The following ANO3 variants were observed in gnomAD, a reference collection of about 807,000 sequenced individuals.
ANO3 encodes the protein anoctamin-3.
In ANO3, 99 loss-of-function variants were observed where a neutral mutation model predicts 144.8. That is an observed-to-expected ratio of 0.68 (90% CI 0.58 to 0.81). The LOEUF (loss-of-function observed/expected upper bound fraction) is 0.81, where lower values mean the gene tolerates loss of function less well. Among genes scored for constraint, ANO3 ranks in the 30% least tolerant of loss-of-function variants. ANO3 has a pLI of 0.00. For missense variants in ANO3, 905 were observed against 1,202.2 expected, an observed-to-expected ratio of 0.75 and a Z score of 3.66; for synonymous variants, 414 against 392.6, an observed-to-expected ratio of 1.05 and a Z score of -0.64.
chr11:26,492,458 C>T (rs1295911302), intron 4 of ANO3, among the ~76,000 whole-genome samples: 1 of 152,162 alleles, frequency 6.6e-6, no homozygotes, highest in African/African-American at 2.4e-5. Context: ...TCTGGGGCAG[C>T]AGTTGTTTCT....
intron 3 of ANO3, among the ~76,000 whole-genome samples, chr11:26,459,234 T>G (rs1859279232): frequency 6.6e-6 from 1 of 152,100 alleles, no homozygotes; most frequent in Admixed American, 6.6e-5. Context: ...TTGTATGGAC[T>G]ATGGCTTTAC....
chr11:26,270,353 A>G lies in ANO3; in HGVS notation c.155-39292A>G, dbSNP rs111756090. On this transcript the variant is annotated intron_variant, in intron 1 of 27. Coordinates refer to the ANO3 transcript ENST00000672621. ...AGAAACAATCTACTAAAATTACTCTATTGAAAAAATCTAACTGAATCACCT... is the reference window on the plus strand; with the variant it reads ...AGAAACAATCTACTAAAATTACTCTGTTGAAAAAATCTAACTGAATCACCT... Among the ~76,000 whole-genome samples the G allele has an allele frequency of 3.9e-3, 595 of 152,244 alleles. 4 individuals carry two copies. Among genetic ancestry groups the G allele is most frequent in the African/African-American group, 0.013 (540 of 41,546 alleles).
chr11:26,639,298 G>A (rs1853068002), intron 21 of ANO3, 57 bp downstream of exon 21: 1 of 1,316,204 alleles, frequency 7.6e-7, no homozygotes, highest in Non-Finnish European at 1.1e-6. Context: ...GAAAGCTAGA[G>A]GTGGCGTGAG....
intron 14 of ANO3, chr11:26,565,612 C>G (rs761629689): frequency 6.2e-7 from 1 of 1,613,112 alleles, no homozygotes; most frequent in Non-Finnish European, 8.5e-7. Context: ...TCTGTTATTC[C>G]GTGGCTGTTG....
At chr11:26,244,104 A>G (rs1852726433) in intron 1 of ANO3, among the ~76,000 whole-genome samples, 1 of 149,302 alleles carries the variant, frequency 6.7e-6, no homozygotes, top group Non-Finnish European at 1.5e-5. Flanking sequence ...GCAACATAGC[A>G]AGACTCTGTC....
intron 14 of ANO3, among the ~76,000 whole-genome samples, chr11:26,571,073 G>T (rs1850805704): frequency 6.6e-6 from 1 of 152,120 alleles, no homozygotes; most frequent in Admixed American, 6.6e-5. Flanking sequence ...CTTAGGCTAT[G>T]TAACTACAGG....
At position 26,647,693 on chromosome 11, in the gene ANO3, A is replaced by C. The variant is rs1446605449; in HGVS notation, c.2429-16A>C. 1.3e-6 allele frequency: 2 copies of C among 1,589,798 alleles called. No homozygotes were observed. The highest frequency in any genetic ancestry group is 1.7e-6 in the Non-Finnish European group (2 of 1,164,938). On this transcript the variant is annotated splice_polypyrimidine_tract_variant and intron_variant, in intron 23 of 26. Transcript: ENST00000256737. ...TCTTCATTTTTGTTCACCATGATTA[A>C]TCTTTCTCTTACCAGGTATCTGGCT... is the stretch of plus-strand genomic sequence containing the variant.
upstream of ANO3, chr11:26,331,987 AC>A: frequency 1.4e-6 from 1 of 725,448 alleles, no homozygotes; most frequent in Non-Finnish European, 2.1e-6. Context: ...CTCCCAGCCA[AC>A]CCCGCTCAAC....
In ANO3 at chr11:26,349,973, G is replaced by A. The variant is rs559854768; in HGVS notation, c.46+17652G>A. Among the ~76,000 whole-genome samples the A allele has an allele frequency of 2.2e-4, 33 of 152,278 alleles. No homozygotes were observed. The South Asian group carries it at 6.6e-3, about 31-fold the overall frequency. On this transcript the variant is annotated intron_variant, in intron 1 of 26. Transcript: ENST00000256737. ...GACCTCCTTGCATGGAGGAGCAGAT[G>A]TCCCCTGGCATTTCCCCCTTCCCCT...
intron 14 of ANO3, among the ~76,000 whole-genome samples, chr11:26,596,393 A>T (rs293961): frequency 0.72 from 109,717 of 151,996 alleles, 40,463 homozygotes; most frequent in East Asian, 0.92. Flanking sequence ...TTCATTTTCA[A>T]CCTGATCTAT....
At chr11:26,564,722 CACACACACACATATATATATATAT>C (rs1398524405) in intron 14 of ANO3, among the ~76,000 whole-genome samples, 70 of 66,952 alleles carry the variant, frequency 1.0e-3, no homozygotes, top group African/African-American at 1.9e-3. Context: ...CACACACACA[CACACACACACATATATATATATAT>C]ATATATATAT....
At chr11:26,589,246 T>C (rs2132885674) in intron 14 of ANO3, among the ~76,000 whole-genome samples, 1 of 152,310 alleles carries the variant, frequency 6.6e-6, no homozygotes, top group East Asian at 1.9e-4. Context: ...TTTGTAAATG[T>C]TAAGAGAGTG....
intron 17 of ANO3, among the ~76,000 whole-genome samples, chr11:26,619,464 T>G (rs1348216810): frequency 6.6e-6 from 1 of 152,020 alleles, no homozygotes; most frequent in East Asian, 1.9e-4. Flanking sequence ...AAGATTCTTT[T>G]TTTATTATTT....
chr11:26,478,255 T>C (rs113678506), intron 4 of ANO3, among the ~76,000 whole-genome samples: 1,927 of 152,250 alleles, frequency 0.013, 41 homozygotes, highest in African/African-American at 0.044. Flanking sequence ...AGAAAAAGTT[T>C]GGAGAGCCCC....
intron 14 of ANO3, chr11:26,562,937 G>T (rs993140341): frequency 4.9e-6 from 4 of 822,014 alleles, no homozygotes; most frequent in Non-Finnish European, 6.8e-6. Context: ...TTCAGTCACA[G>T]GTCTATAATT....
intron 1 of ANO3, among the ~76,000 whole-genome samples, chr11:26,236,711 G>A (rs538918542): frequency 1.7e-4 from 26 of 151,568 alleles, no homozygotes; most frequent in Admixed American, 1.3e-3. Flanking sequence ...CCAGCTACTC[G>A]GGAGGCTGAG....
upstream of ANO3, chr11:26,331,789 C>T (rs1281511985): frequency 1.9e-5 from 3 of 155,548 alleles, no homozygotes; most frequent in African/African-American, 7.2e-5. Context: ...AACGTCTCTG[C>T]ATCTGCCACT....
In ANO3 at chr11:26,457,354, A is replaced by T. The variant is rs185383171; in HGVS notation, c.314-5676A>T. Among the ~76,000 whole-genome samples the T allele has an allele frequency of 1.1e-4, 16 of 151,614 alleles. No individual in the cohort carries two copies. In the East Asian group the frequency reaches 3.1e-3, roughly 29 times the overall value. ...ACTCTGAAAAAAAAAAAGAAAACAG[A>T]TTTATAGATTAAATTTAAAATTTTC... On this transcript the variant is annotated intron_variant, in intron 3 of 26. Coordinates refer to ENST00000256737, the MANE Select transcript of ANO3 (RefSeq NM_031418.4).
chr11:26,636,117 T>C (rs1281431497), intron 20 of ANO3, among the ~76,000 whole-genome samples: 1 of 152,142 alleles, frequency 6.6e-6, no homozygotes, highest in African/African-American at 2.4e-5. Context: ...GGAAGATCCC[T>C]TGAGCCCAGG....
Sources: allele counts gnomAD v4.1 joint callset (sites outside exome capture counted in the v4.1 genomes callset), GRCh38; gene constraint gnomAD v4.1.1; transcripts MANE v1.5; gene names NCBI Gene and HGNC (gene_info 2026-07-23, HGNC 2026-07-21).